Variants in KCNIP4 observed in about 807,000 individuals in gnomAD.
KCNIP4 encodes potassium voltage-gated channel interacting protein 4.
In KCNIP4, 12 loss-of-function variants were observed where a neutral mutation model predicts 34.0. The ratio of observed to expected loss-of-function variants is 0.35; its 90% CI spans 0.23 to 0.57. The LOEUF is 0.57. KCNIP4 is among the 20% of genes least tolerant of loss of function. The pLI is 0.83. For synonymous variants in KCNIP4, 124 were observed against 102.2 expected (o/e 1.21, Z -1.29); for missense variants, 238 against 311.7 (o/e 0.76, Z 1.78).
At chr4:20,908,905 G>A (rs1220134947) in intron 1 of KCNIP4, among the ~76,000 whole-genome samples, 2 of 152,186 alleles carry the variant, frequency 1.3e-5, no homozygotes, top group African/African-American at 4.8e-5. Flanking sequence ...TCATTGTTTA[G>A]TAAATAGCTT....
rs138380828 is a variant in KCNIP4 at position 21,346,944 on chromosome 4, C to T, written c.62-464235G>A. 2.5e-3 allele frequency among the ~76,000 whole-genome samples: 386 copies of T among 152,248 alleles called. 1 individual carries two copies. The highest frequency in any genetic ancestry group is 9.0e-3 in the African/African-American group (372 of 41,552). ...ATATTTAATAGTGAAATTCATACTTCTAGACTTAAACCTAACATCATTTTA... is the reference window on the plus strand; with the variant it reads ...ATATTTAATAGTGAAATTCATACTTTTAGACTTAAACCTAACATCATTTTA... On this transcript the variant is annotated intron_variant, in intron 1 of 8. Transcript: ENST00000382152.
chr4:20,988,000 C>CAAAAAAAAAAAA (rs36044149), intron 1 of KCNIP4, among the ~76,000 whole-genome samples: 1,697 of 46,148 alleles, frequency 0.037, 186 homozygotes, highest in Non-Finnish European at 0.043. Context: ...GATTCCATCT[C>CAAAAAAAAAAAA]AAAAAAAAAA....
intron 1 of KCNIP4, among the ~76,000 whole-genome samples, chr4:20,886,948 G>T (rs1354466104): frequency 2.0e-5 from 3 of 151,816 alleles, no homozygotes; most frequent in Non-Finnish European, 4.4e-5. Flanking sequence ...CCATAATCAA[G>T]AAAAAAGAGA....
At chr4:21,103,934 A>C (rs971944093) in intron 1 of KCNIP4, among the ~76,000 whole-genome samples, 3 of 151,990 alleles carry the variant, frequency 2.0e-5, no homozygotes, top group African/African-American at 7.3e-5. Flanking sequence ...TTATGGCTGC[A>C]TAGTATTCCA....
intron 1 of KCNIP4, among the ~76,000 whole-genome samples, chr4:21,433,532 C>A (rs9992089): frequency 0.29 from 43,527 of 152,126 alleles, 7,149 homozygotes; most frequent in Non-Finnish European, 0.38. Flanking sequence ...TGAAGAAGAG[C>A]TATAGCTTCA....
intron 3 of KCNIP4, among the ~76,000 whole-genome samples, chr4:20,811,179 C>T (rs1017986283): frequency 6.6e-6 from 1 of 152,088 alleles, no homozygotes; most frequent in South Asian, 2.1e-4. Flanking sequence ...TAGAGGCTTC[C>T]CTGTCTCATT....
intron 1 of KCNIP4, among the ~76,000 whole-genome samples, chr4:21,305,691 C>T (rs971990129): frequency 6.6e-6 from 1 of 152,186 alleles, no homozygotes; most frequent in African/African-American, 2.4e-5. Context: ...TTACTCCTGT[C>T]GATACACTCT....
At chr4:21,719,549 A>T (rs988997482) in intron 1 of KCNIP4, among the ~76,000 whole-genome samples, 4 of 152,224 alleles carry the variant, frequency 2.6e-5, no homozygotes, top group Non-Finnish European at 2.9e-5. Flanking sequence ...CTGAATAAAT[A>T]AATGATGCAG....
At chr4:21,761,556 T>C (rs901250481) in intron 1 of KCNIP4, among the ~76,000 whole-genome samples, 1 of 151,944 alleles carries the variant, frequency 6.6e-6, no homozygotes, top group African/African-American at 2.4e-5. Flanking sequence ...ATTTAAAACA[T>C]ACAATTCTTA....
intron 1 of KCNIP4, among the ~76,000 whole-genome samples, chr4:21,921,363 C>G (rs1296182455): frequency 6.6e-6 from 1 of 152,080 alleles, no homozygotes; most frequent in Non-Finnish European, 1.5e-5. Context: ...ATGATCTTCC[C>G]ATGGGTAATC....
intron 3 of KCNIP4, among the ~76,000 whole-genome samples, chr4:20,798,527 A>ACT (rs1350141528): frequency 2.6e-5 from 4 of 151,604 alleles, no homozygotes; most frequent in African/African-American, 9.7e-5. Context: ...ACACACATAC[A>ACT]CACACACACA....
At chr4:21,528,861 A>G (rs1337850970) in intron 1 of KCNIP4, among the ~76,000 whole-genome samples, 3 of 148,276 alleles carry the variant, frequency 2.0e-5, no homozygotes, top group African/African-American at 7.4e-5. Context: ...GGAAGGAAGG[A>G]AGGAAGGAAG....
intron 1 of KCNIP4, among the ~76,000 whole-genome samples, chr4:21,541,407 A>G (rs1737682318): frequency 6.6e-6 from 1 of 152,086 alleles, no homozygotes; most frequent in South Asian, 2.1e-4. Context: ...GGGAATGTTT[A>G]TTCTAGTCTT....
At chr4:21,346,286 C>CTATATATATAATATATATTATATATAT (rs1717413153) in intron 1 of KCNIP4, among the ~76,000 whole-genome samples, 1 of 6,102 alleles carries the variant, frequency 1.6e-4, no homozygotes, top group African/African-American at 5.1e-4. Context: ...AATATATATT[C>CTATATATATAATATATATTATATATAT]ACATTTGTAT....
At chr4:21,686,997 T>C (rs1381662592) in intron 1 of KCNIP4, among the ~76,000 whole-genome samples, 1 of 148,850 alleles carries the variant, frequency 6.7e-6, no homozygotes, top group Non-Finnish European at 1.5e-5. Context: ...CCATAAAAAA[T>C]GATGAGTTCA....
At chr4:21,016,771 C>T (rs911729791) in intron 1 of KCNIP4, among the ~76,000 whole-genome samples, 8 of 152,040 alleles carry the variant, frequency 5.3e-5, no homozygotes, top group East Asian at 3.9e-4. Context: ...CTACCATACC[C>T]GGTTAACATG....
intron 1 of KCNIP4, among the ~76,000 whole-genome samples, chr4:21,143,056 A>G (rs1175705842): frequency 6.6e-6 from 1 of 152,162 alleles, no homozygotes; most frequent in Admixed American, 6.6e-5. Context: ...TGTTGTGCAG[A>G]ATCCTCAAGA....
rs535253762 is a variant in KCNIP4 at position 21,567,795 on chromosome 4, T to C, written c.61+380776A>G. Among the ~76,000 whole-genome samples the C allele has an allele frequency of 6.6e-5, 10 of 152,264 alleles. No homozygotes were observed. The East Asian group carries it at 1.9e-3, about 29-fold the overall frequency. ...AAGTTACTTTGTAGTCACGACAATA[T>C]TGAGTATCCTGAGGAATCAGTTCTC... is the stretch of plus-strand genomic sequence containing the variant. On this transcript the variant is annotated intron_variant, in intron 1 of 8. Coordinates refer to ENST00000382152, the MANE Select transcript of KCNIP4 (RefSeq NM_025221.6).
At chr4:21,863,584 T>C (rs1358306446) in intron 1 of KCNIP4, among the ~76,000 whole-genome samples, 1 of 152,052 alleles carries the variant, frequency 6.6e-6, no homozygotes, top group East Asian at 1.9e-4. Context: ...AATAGGACAA[T>C]GCTAGAATCC....
Sources: allele counts gnomAD v4.1 joint callset (sites outside exome capture counted in the v4.1 genomes callset), GRCh38; gene constraint gnomAD v4.1.1; transcripts MANE v1.5; gene names NCBI Gene and HGNC (gene_info 2026-07-23, HGNC 2026-07-21).